Variants in GRID1 observed in about 807,000 individuals in gnomAD.
GRID1 encodes the protein glutamate receptor ionotropic, delta-1.
GRID1 carries 28 observed loss-of-function variants against 98.0 expected under a neutral mutation model. That is an observed-to-expected ratio of 0.29 (90% CI 0.21 to 0.39). The LOEUF is 0.39. Ranked by LOEUF, GRID1 falls within the 10% of genes least tolerant of loss-of-function variation. The probability of loss-of-function intolerance (pLI) is 1.00; values close to 1 mark genes in which losing one functional copy is unlikely to be tolerated. For missense variants in GRID1, 1,111 were observed against 1,340.5 expected (o/e 0.83, Z 2.67); for synonymous variants, 553 against 538.5 (o/e 1.03, Z -0.37).
intron 8 of GRID1, among the ~76,000 whole-genome samples, chr10:85,764,958 G>T (rs1437387025): frequency 6.6e-6 from 1 of 152,154 alleles, no homozygotes; most frequent in Non-Finnish European, 1.5e-5. Context: ...CCCCAAAGAG[G>T]ACAAAGCAAG....
chr10:86,338,683 G>A (rs551105203), intron 2 of GRID1, among the ~76,000 whole-genome samples: 29 of 152,162 alleles, frequency 1.9e-4, no homozygotes, highest in Non-Finnish European at 3.4e-4. Context: ...TCAGCCTCCC[G>A]AGTAGCTGAG....
At chr10:85,985,435 C>T (rs985721699) in intron 4 of GRID1, among the ~76,000 whole-genome samples, 2 of 152,066 alleles carry the variant, frequency 1.3e-5, no homozygotes, top group East Asian at 3.9e-4. Flanking sequence ...TGAATTTGAT[C>T]GATAAATTAG....
At chr10:85,868,906 A>G in intron 6 of GRID1, 104 bp downstream of exon 6, 1 of 888,374 alleles carries the variant, frequency 1.1e-6, no homozygotes, top group Non-Finnish European at 1.8e-6. Flanking sequence ...AGCTCTAGTA[A>G]TTGAAGTTGG....
intron 5 of GRID1, among the ~76,000 whole-genome samples, chr10:85,884,673 A>G (rs1168521664): frequency 6.6e-6 from 1 of 152,188 alleles, no homozygotes; most frequent in African/African-American, 2.4e-5. Context: ...ATCCTATTTC[A>G]TCAGTACTGC....
intron 3 of GRID1, among the ~76,000 whole-genome samples, chr10:86,161,965 ACTGT>A (rs1845329545): frequency 6.6e-6 from 1 of 152,186 alleles, no homozygotes; most frequent in Non-Finnish European, 1.5e-5. Context: ...TCCGATTGTC[ACTGT>A]CTGTTTACCG....
chr10:86,280,033 T>C (rs1244229180), intron 2 of GRID1, among the ~76,000 whole-genome samples: 2 of 152,048 alleles, frequency 1.3e-5, no homozygotes, highest in Non-Finnish European at 2.9e-5. Context: ...CAAGATCTCA[T>C]CTCTTCCACA....
intron 2 of GRID1, among the ~76,000 whole-genome samples, chr10:86,238,378 G>A (rs1292686829): frequency 1.3e-5 from 2 of 152,174 alleles, no homozygotes; most frequent in African/African-American, 4.8e-5. Context: ...AAGGGCCAAG[G>A]TGGCCAGGGG....
At chr10:86,168,243 G>A (rs1242041672) in intron 3 of GRID1, among the ~76,000 whole-genome samples, 1 of 152,236 alleles carries the variant, frequency 6.6e-6, no homozygotes, top group Non-Finnish European at 1.5e-5. Context: ...TTTATGGGCT[G>A]TGTGACTGTA....
At chr10:86,329,705 G>C (rs12252021) in intron 2 of GRID1, among the ~76,000 whole-genome samples, 26,436 of 152,108 alleles carry the variant, frequency 0.17, 2,375 homozygotes, top group Middle Eastern at 0.24. Context: ...TCAGCAGAAG[G>C]GCCCTGCTGG....
chr10:86,333,691 T>C (rs1201716735), intron 2 of GRID1, among the ~76,000 whole-genome samples: 1 of 152,246 alleles, frequency 6.6e-6, no homozygotes, highest in African/African-American at 2.4e-5. Flanking sequence ...GCATGTTGAA[T>C]GTATTATATA....
chr10:86,306,591 C>T (rs1361718467), intron 2 of GRID1, among the ~76,000 whole-genome samples: 1 of 152,198 alleles, frequency 6.6e-6, no homozygotes, highest in East Asian at 1.9e-4. Context: ...CCTCCAATCT[C>T]TCCCTCCTGT....
intron 13 of GRID1, among the ~76,000 whole-genome samples, chr10:85,636,624 T>A (rs1459457659): frequency 2.6e-5 from 4 of 152,026 alleles, no homozygotes; most frequent in African/African-American, 9.7e-5. Flanking sequence ...CACAAATACC[T>A]ATGTACAAAT....
At chr10:86,327,993 C>G (rs1848077215) in intron 2 of GRID1, among the ~76,000 whole-genome samples, 1 of 130,228 alleles carries the variant, frequency 7.7e-6, no homozygotes, top group Non-Finnish European at 1.8e-5. Flanking sequence ...TTAAAAACAA[C>G]CTAACTATCT....
intron 4 of GRID1, among the ~76,000 whole-genome samples, chr10:86,096,575 G>A (rs1285965891): frequency 1.3e-5 from 2 of 152,166 alleles, no homozygotes; most frequent in Admixed American, 6.5e-5. Context: ...GCTACCATCC[G>A]TGGACTTATC....
intron 2 of GRID1, among the ~76,000 whole-genome samples, chr10:86,239,278 TG>T (rs778390940): frequency 2.0e-4 from 31 of 152,226 alleles, no homozygotes; most frequent in Non-Finnish European, 4.1e-4. Context: ...TTCTCCCTCT[TG>T]GAATGGGTGT....
chr10:86,103,989 T>C (rs1279236832), intron 4 of GRID1, among the ~76,000 whole-genome samples: 1 of 152,126 alleles, frequency 6.6e-6, no homozygotes, highest in Non-Finnish European at 1.5e-5. Context: ...CGCACTTCCC[T>C]CATAAGCATG....
At chr10:85,630,391 C>A (rs1016797577) in intron 13 of GRID1, among the ~76,000 whole-genome samples, 1 of 152,162 alleles carries the variant, frequency 6.6e-6, no homozygotes, top group African/African-American at 2.4e-5. Flanking sequence ...GAAACGCAGA[C>A]AACAACACGT....
At chr10:86,305,837 T>G (rs1287745456) in intron 2 of GRID1, among the ~76,000 whole-genome samples, 1 of 152,202 alleles carries the variant, frequency 6.6e-6, no homozygotes, top group East Asian at 1.9e-4. Context: ...TCTACAATCT[T>G]CACAAAAATT....
Position 86,206,617 on chromosome 10 carries a change from G to C in GRID1, c.267C>G (p.Ala89=). 6.2e-7 allele frequency: 1 copy of C among 1,614,092 alleles called. No individual in the cohort carries two copies. Among genetic ancestry groups the C allele is most frequent in the Non-Finnish European group, 8.5e-7 (1 of 1,179,974 alleles). The change falls in exon 3 of 16, where the codon GCC becomes GCG. Residue 89 remains alanine (A), a synonymous_variant. Coordinates refer to ENST00000327946, the MANE Select transcript of GRID1 (RefSeq NM_017551.3). This position sits in a 1 kb window ranked among gnomAD's most constrained non-coding sequence, Gnocchi z 4.1. ...ATGCACAGCCAGTGGACGTGACCAA[G>C]GCCAAAATCCCCTGGGTCATGAGGT... The part of the protein sequence containing the change: ...ACDLMTQGIL[A]LVTSTGCASA...
Sources: allele counts gnomAD v4.1 joint callset (sites outside exome capture counted in the v4.1 genomes callset), GRCh38; gene constraint gnomAD v4.1.1; non-coding constraint Gnocchi (gnomAD v3.1); transcripts MANE v1.5; gene names NCBI Gene and HGNC (gene_info 2026-07-23, HGNC 2026-07-21).